The following LINGO2 variants were observed in gnomAD, a reference collection of about 807,000 sequenced individuals.
LINGO2 encodes the protein leucine-rich repeat and immunoglobulin-like domain-containing nogo receptor-interacting protein 2.
In LINGO2, 14 loss-of-function variants were observed where a neutral mutation model predicts 30.6. That is an observed-to-expected ratio of 0.46 (90% CI 0.30 to 0.72). The LOEUF (loss-of-function observed/expected upper bound fraction) is 0.72, where lower values mean the gene tolerates loss of function less well. LINGO2 is among the 30% of genes least tolerant of loss of function. The probability of loss-of-function intolerance (pLI) is 0.07; values close to 1 mark genes in which losing one functional copy is unlikely to be tolerated. For missense variants in LINGO2, 729 were observed against 751.7 expected (o/e 0.97, Z 0.35); for synonymous variants, 317 against 288.5 (o/e 1.10, Z -1.00).
the LINGO2 span, among the ~76,000 whole-genome samples, chr9:28,778,568 T>A: frequency 6.6e-6 from 1 of 152,172 alleles, no homozygotes; most frequent in Non-Finnish European, 1.5e-5. Context: ...AGAAACTGCA[T>A]ACAAATTATT....
chr9:28,433,998 A>G (rs1392051603), intron 2 of LINGO2, among the ~76,000 whole-genome samples: 2 of 144,650 alleles, frequency 1.4e-5, no homozygotes, highest in Non-Finnish European at 3.1e-5. Flanking sequence ...CTACTATACT[A>G]CTATGGAATA....
chr9:28,601,690 T>C (rs896998486), intron 1 of LINGO2, among the ~76,000 whole-genome samples: 2 of 152,102 alleles, frequency 1.3e-5, no homozygotes, highest in African/African-American at 4.8e-5. Context: ...TTGGAAGTCA[T>C]TTCTCAGAAA....
At chr9:28,141,988 C>G (rs1341634153) in intron 4 of LINGO2, among the ~76,000 whole-genome samples, 1 of 152,130 alleles carries the variant, frequency 6.6e-6, no homozygotes, top group Non-Finnish European at 1.5e-5. Flanking sequence ...AAAAATGCAT[C>G]AATTTTCTGC....
At chr9:28,947,133 ATC>A in the LINGO2 span, among the ~76,000 whole-genome samples, 1 of 151,440 alleles carries the variant, frequency 6.6e-6, no homozygotes, top group Non-Finnish European at 1.5e-5. Flanking sequence ...GTATCTATAT[ATC>A]TCTCTATATA....
At chr9:28,955,946 A>T in the LINGO2 span, among the ~76,000 whole-genome samples, 1 of 152,098 alleles carries the variant, frequency 6.6e-6, no homozygotes, top group African/African-American at 2.4e-5. Context: ...CCTCACATTT[A>T]AAAACAAGAT....
chr9:28,313,031 A>T (rs559584732), intron 3 of LINGO2, among the ~76,000 whole-genome samples: 4 of 152,342 alleles, frequency 2.6e-5, no homozygotes, highest in African/African-American at 9.6e-5. Context: ...TCCAGGTACC[A>T]AGCAAAATAC....
chr9:29,141,735 A>C, the LINGO2 span, among the ~76,000 whole-genome samples: 4,374 of 151,986 alleles, frequency 0.029, 125 homozygotes, highest in South Asian at 0.13. Context: ...GTTAACAAAA[A>C]TAGAACAGGC....
At chr9:28,848,391 G>GTATATATATATA in the LINGO2 span, among the ~76,000 whole-genome samples, 6 of 55,088 alleles carry the variant, frequency 1.1e-4, no homozygotes, top group Admixed American at 2.7e-4. Context: ...GTGTGTGTGT[G>GTATATATATATA]TGTGTGTATA....
At chr9:29,175,218 C>A in the LINGO2 span, among the ~76,000 whole-genome samples, 5 of 152,166 alleles carry the variant, frequency 3.3e-5, no homozygotes, top group African/African-American at 1.2e-4. Flanking sequence ...AAGATCATGC[C>A]ACTGCACTCC....
chr9:28,411,035 G>T (rs1238624975), intron 2 of LINGO2, among the ~76,000 whole-genome samples: 2 of 152,034 alleles, frequency 1.3e-5, no homozygotes, highest in African/African-American at 4.8e-5. Context: ...ACCTCTGAAG[G>T]CTGCTAGCTG....
the LINGO2 span, among the ~76,000 whole-genome samples, chr9:29,107,820 C>T: frequency 1.3e-5 from 2 of 151,904 alleles, no homozygotes; most frequent in Admixed American, 6.6e-5. Flanking sequence ...ATCAAATCTA[C>T]TGTGACTCTT....
At chr9:28,740,683 G>T in the LINGO2 span, among the ~76,000 whole-genome samples, 3 of 151,802 alleles carry the variant, frequency 2.0e-5, no homozygotes, top group South Asian at 4.2e-4. Flanking sequence ...TTAAAAAATT[G>T]ATGTAAAATT....
intron 1 of LINGO2, among the ~76,000 whole-genome samples, chr9:28,515,014 C>T (rs938698998): frequency 2.0e-5 from 3 of 151,850 alleles, no homozygotes; most frequent in Non-Finnish European, 2.9e-5. Flanking sequence ...ATTGTTAAGA[C>T]CTACCACTCA....
the LINGO2 span, among the ~76,000 whole-genome samples, chr9:29,170,371 C>T: frequency 1.3e-5 from 2 of 152,108 alleles, no homozygotes; most frequent in East Asian, 3.9e-4. Context: ...ATCACAGGTT[C>T]TCACTTATAT....
intron 4 of LINGO2, among the ~76,000 whole-genome samples, chr9:28,194,762 T>A (rs1406515788): frequency 6.6e-6 from 1 of 151,872 alleles, no homozygotes; most frequent in East Asian, 1.9e-4. Flanking sequence ...CTTAATTAAT[T>A]AAATTAATTA....
the LINGO2 span, among the ~76,000 whole-genome samples, chr9:28,763,438 C>T: frequency 6.6e-6 from 1 of 151,776 alleles, no homozygotes; most frequent in Non-Finnish European, 1.5e-5. Context: ...TTTGAATAAT[C>T]ACTGGGTTAA....
the LINGO2 span, among the ~76,000 whole-genome samples, chr9:28,993,458 T>A: frequency 6.6e-6 from 1 of 152,112 alleles, no homozygotes; most frequent in South Asian, 2.1e-4. Context: ...CTGGTAACAT[T>A]CCTTCTGAAA....
Position 27,987,321 on chromosome 9 carries a change from C to T in LINGO2, c.-36+25034G>A, listed in dbSNP as rs139366928. On this transcript the variant is annotated intron_variant, in intron 5 of 5. Coordinates refer to ENST00000379992, the Ensembl canonical transcript of LINGO2. ...TCCTCTCTTCCTTGCTTCTTTCCTC[C>T]CTTCCCTCCTTTCCTGAGACAGGTT... Among the ~76,000 whole-genome samples the T allele has an allele frequency of 8.2e-3, 1,242 of 151,742 alleles. 21 individuals are homozygous for T. The highest frequency in any genetic ancestry group is 0.029 in the African/African-American group (1,181 of 41,418).
chr9:28,156,544 C>A (rs1182901933), intron 4 of LINGO2, among the ~76,000 whole-genome samples: 1 of 152,158 alleles, frequency 6.6e-6, no homozygotes, highest in East Asian at 1.9e-4. Context: ...TCTCTAAAAT[C>A]TCAGGTAGAT....
Sources: gnomAD v4.1 joint callset for allele counts (sites outside exome capture counted in the v4.1 genomes callset) on GRCh38, gnomAD v4.1.1 for gene constraint, MANE v1.5 for transcripts, NCBI Gene and HGNC (gene_info 2026-07-23, HGNC 2026-07-21) for gene names.